The following PKNOX2 variants were observed in gnomAD, a reference collection of about 807,000 sequenced individuals.
The protein encoded by PKNOX2 is homeobox protein PKNOX2.
PKNOX2 carries 14 observed loss-of-function variants against 53.1 expected under a neutral mutation model. The ratio of observed to expected loss-of-function variants is 0.26; its 90% CI spans 0.17 to 0.41. The LOEUF is 0.41. Among genes scored for constraint, PKNOX2 ranks in the 10% least tolerant of loss-of-function variants. PKNOX2 has a pLI of 1.00. For missense variants in PKNOX2, 496 were observed against 602.8 expected (o/e 0.82, Z 1.85); for synonymous variants, 257 against 242.8 (o/e 1.06, Z -0.54).
intron 2 of PKNOX2, among the ~76,000 whole-genome samples, chr11:125,235,513 C>A (rs1942602094): frequency 1.3e-5 from 2 of 152,226 alleles, no homozygotes; most frequent in South Asian, 2.1e-4. Context: ...TTATAGCCTG[C>A]ACTTGCTTTT....
At chr11:125,294,414 A>G (rs1367059389) in intron 2 of PKNOX2, among the ~76,000 whole-genome samples, 2 of 152,176 alleles carry the variant, frequency 1.3e-5, no homozygotes, top group African/African-American at 2.4e-5. Flanking sequence ...TCAGCATGAA[A>G]AGAAAGGAGA....
chr11:125,235,281 A>C (rs758108053), intron 2 of PKNOX2, among the ~76,000 whole-genome samples, 166 bp downstream of exon 2: 13 of 152,236 alleles, frequency 8.5e-5, no homozygotes, highest in Non-Finnish European at 1.8e-4. Context: ...ATTATGTCTG[A>C]ATGTGACAAA....
At chr11:125,382,731 G>C (rs186164786) in intron 5 of PKNOX2, among the ~76,000 whole-genome samples, 1 of 152,188 alleles carries the variant, frequency 6.6e-6, no homozygotes, top group Non-Finnish European at 1.5e-5. Context: ...GATCAGGTTA[G>C]ATTAGACTAT....
chr11:125,178,149 T>TG (rs1471422111), intron 1 of PKNOX2, among the ~76,000 whole-genome samples: 1 of 152,102 alleles, frequency 6.6e-6, no homozygotes, highest in Non-Finnish European at 1.5e-5. Context: ...ATTTTATATA[T>TG]GGGGAAACTG....
chr11:125,232,726 ATATGGCTATTAC>A (rs780057625), intron 1 of PKNOX2, among the ~76,000 whole-genome samples: 7 of 152,202 alleles, frequency 4.6e-5, no homozygotes, highest in Non-Finnish European at 1.0e-4. Context: ...GTTGGGTACC[ATATGGCTATTAC>A]TGCAGCCTAT....
At chr11:125,245,527 A>G (rs2135633671) in intron 2 of PKNOX2, among the ~76,000 whole-genome samples, 1 of 152,338 alleles carries the variant, frequency 6.6e-6, no homozygotes, top group African/African-American at 2.4e-5. Flanking sequence ...CTTGGCTTTG[A>G]ATCAGGAATG....
intron 2 of PKNOX2, among the ~76,000 whole-genome samples, chr11:125,291,977 G>A (rs1024194764): frequency 1.3e-5 from 2 of 152,182 alleles, no homozygotes; most frequent in African/African-American, 4.8e-5. Flanking sequence ...GAAAAGTTTT[G>A]AGAAGAGATA....
intron 3 of PKNOX2, among the ~76,000 whole-genome samples, chr11:125,342,324 G>T (rs145005707): frequency 6.6e-6 from 1 of 152,152 alleles, no homozygotes; most frequent in African/African-American, 2.4e-5. Context: ...GGTGGAATGC[G>T]TAGGCTTCAG....
chr11:125,247,008 T>C (rs1358632719), intron 2 of PKNOX2, among the ~76,000 whole-genome samples: 2 of 152,124 alleles, frequency 1.3e-5, no homozygotes, highest in East Asian at 3.8e-4. Flanking sequence ...GAAATGACAA[T>C]CTACAATAAA....
chr11:125,354,534 G>C (rs1289003919), intron 4 of PKNOX2, among the ~76,000 whole-genome samples: 1 of 152,176 alleles, frequency 6.6e-6, no homozygotes, highest in Non-Finnish European at 1.5e-5. Context: ...CTTCCTCTGA[G>C]ACCCATGCGA....
rs141115279 is a variant in PKNOX2 at position 125,214,724 on chromosome 11, A to T, written c.-200-20321A>T. 1.2e-3 allele frequency among the ~76,000 whole-genome samples: 181 copies of T among 151,044 alleles called. 2 individuals carry two copies. Among genetic ancestry groups the T allele is most frequent in the African/African-American group, 4.3e-3 (175 of 41,174 alleles). ...GAGGGGATGGGGTGCAGCCTCTCCA[A>T]CTCCTTGCCAACCCTTAGACACAGA... On this transcript the variant is annotated intron_variant, in intron 1 of 12. Transcript: ENST00000298282.
chr11:125,308,886 T>C (rs1199059069), intron 2 of PKNOX2, among the ~76,000 whole-genome samples: 1 of 152,194 alleles, frequency 6.6e-6, no homozygotes, highest in Non-Finnish European at 1.5e-5. Flanking sequence ...CCAACCATCT[T>C]CTGCATGGTA....
chr11:125,183,141 G>A (rs1410406671), intron 1 of PKNOX2, among the ~76,000 whole-genome samples: 1 of 151,736 alleles, frequency 6.6e-6, no homozygotes, highest in East Asian at 1.9e-4. Flanking sequence ...ATAGGCTGGG[G>A]AAGTCCTTTA....
At chr11:125,288,165 CG>C (rs1471852526) in intron 2 of PKNOX2, 12 of 152,202 alleles carry the variant, frequency 7.9e-5, no homozygotes, top group Admixed American at 5.9e-4. Flanking sequence ...GAACAGAAGC[CG>C]GGAGTCCTGG....
intron 2 of PKNOX2, among the ~76,000 whole-genome samples, chr11:125,312,180 G>A (rs12805642): frequency 0.11 from 17,008 of 152,196 alleles, 1,338 homozygotes; most frequent in East Asian, 0.31. Context: ...TGAGGGCACT[G>A]CTTTGTAAGG....
chr11:125,426,926 C>T (rs1956459242), intron 10 of PKNOX2, among the ~76,000 whole-genome samples: 1 of 152,210 alleles, frequency 6.6e-6, no homozygotes, highest in Non-Finnish European at 1.5e-5. Context: ...GTGGCAGGCC[C>T]TCACAGAAGC....
At chr11:125,255,233 G>A (rs1354381320) in intron 2 of PKNOX2, among the ~76,000 whole-genome samples, 1 of 152,218 alleles carries the variant, frequency 6.6e-6, no homozygotes, top group Non-Finnish European at 1.5e-5. Flanking sequence ...ACTCAGAGCT[G>A]TGCCTGGAAC....
intron 4 of PKNOX2, 89 bp downstream of exon 4, chr11:125,351,481 GC>G (rs1363010363): frequency 5.9e-6 from 5 of 848,186 alleles, no homozygotes; most frequent in Non-Finnish European, 9.5e-6. Flanking sequence ...CATTCCAGGG[GC>G]CGACGGGCAG....
intron 2 of PKNOX2, among the ~76,000 whole-genome samples, chr11:125,259,994 A>G (rs796383115): frequency 2.0e-5 from 3 of 150,154 alleles, no homozygotes; most frequent in African/African-American, 7.4e-5. Context: ...CTCCTGCCTC[A>G]CTCTCCCCAA....
Sources: allele counts gnomAD v4.1 joint callset (sites outside exome capture counted in the v4.1 genomes callset), GRCh38; gene constraint gnomAD v4.1.1; transcripts MANE v1.5; gene names NCBI Gene and HGNC (gene_info 2026-07-23, HGNC 2026-07-21).